CDH4: variants seen among roughly 807,000 people sequenced by gnomAD.
CDH4 encodes the protein cadherin-4.
Under a neutral mutation model 86.0 loss-of-function variants are expected in CDH4, and 33 were observed. That is an observed-to-expected ratio of 0.38 (90% CI 0.29 to 0.51). The LOEUF is 0.51. Ranked by LOEUF, CDH4 falls within the 20% of genes least tolerant of loss-of-function variation. CDH4 has a pLI of 0.86. For missense variants in CDH4, 1,114 were observed against 1,307.4 expected, an observed-to-expected ratio of 0.85 and a Z score of 2.28; for synonymous variants, 555 against 549.4, an observed-to-expected ratio of 1.01 and a Z score of -0.14.
intron 3 of CDH4, among the ~76,000 whole-genome samples, chr20:61,751,050 A>G (rs971388399): frequency 1.3e-5 from 2 of 152,260 alleles, no homozygotes; most frequent in African/African-American, 2.4e-5. Flanking sequence ...CATAGAGTCA[A>G]CACAACCTCA....
Position 61,392,925 on chromosome 20 carries a change from G to A in CDH4, c.169+137988G>A, listed in dbSNP as rs746121431. ...ATAAAGTCTCCCGATCAGGGAAGGA[G>A]GTGCAGATACTCACCCCGATACCCA... is the stretch of plus-strand genomic sequence containing the variant. On this transcript the variant is annotated intron_variant, in intron 2 of 15. Coordinates refer to ENST00000614565, the MANE Select transcript of CDH4 (RefSeq NM_001794.5). The surrounding 1 kb of genome is among the most constrained non-coding windows in gnomAD (Gnocchi z 5.7). 4.6e-4 allele frequency among the ~76,000 whole-genome samples: 70 copies of A among 152,172 alleles called. No individual in the cohort carries two copies. The highest frequency in any genetic ancestry group is 8.8e-4 in the Non-Finnish European group (60 of 68,020).
At chr20:61,319,404 A>C (rs1360104710) in intron 2 of CDH4, among the ~76,000 whole-genome samples, 1 of 152,108 alleles carries the variant, frequency 6.6e-6, no homozygotes, top group Admixed American at 6.5e-5. Flanking sequence ...TTAAGAGTGC[A>C]TCACATGTGC....
intron 2 of CDH4, among the ~76,000 whole-genome samples, chr20:61,519,069 G>A (rs1412020010): frequency 1.3e-5 from 2 of 152,208 alleles, no homozygotes; most frequent in African/African-American, 4.8e-5. Context: ...GTAAGTCGCT[G>A]AGTATGACCA....
intron 4 of CDH4, among the ~76,000 whole-genome samples, chr20:61,790,976 C>G (rs1397663436): frequency 1.3e-5 from 2 of 152,244 alleles, no homozygotes; most frequent in Admixed American, 6.5e-5. Context: ...CCTCAGTGCT[C>G]TCACCCTCAG....
chr20:61,692,864 A>T (rs1407611461), intron 2 of CDH4, among the ~76,000 whole-genome samples: 3 of 151,140 alleles, frequency 2.0e-5, no homozygotes. Context: ...CAAATGCTAG[A>T]TAGGACCTCA....
chr20:61,422,569 G>C (rs546848658), intron 2 of CDH4, among the ~76,000 whole-genome samples: 1 of 151,824 alleles, frequency 6.6e-6, no homozygotes, highest in South Asian at 2.1e-4. Flanking sequence ...TTATACTAAG[G>C]GTGCATGCCA....
intron 4 of CDH4, among the ~76,000 whole-genome samples, chr20:61,799,096 A>G (rs1402312158): frequency 6.6e-6 from 1 of 152,248 alleles, no homozygotes; most frequent in South Asian, 2.1e-4. Flanking sequence ...GATTAATTTT[A>G]TAGCTGCTAC....
chr20:61,792,963 G>GT (rs751267069), intron 4 of CDH4, among the ~76,000 whole-genome samples: 42 of 147,862 alleles, frequency 2.8e-4, no homozygotes, highest in Middle Eastern at 4.2e-3. Flanking sequence ...TGTTTTTTTT[G>GT]TTTTTGTTTT....
chr20:61,290,547 G>C (rs1032250636), intron 2 of CDH4, among the ~76,000 whole-genome samples: 1 of 152,260 alleles, frequency 6.6e-6, no homozygotes, highest in Non-Finnish European at 1.5e-5. Context: ...GCCAGTCACA[G>C]AGGAAATTGA....
At chr20:61,598,683 T>C (rs774922873) in intron 2 of CDH4, among the ~76,000 whole-genome samples, 6 of 152,228 alleles carry the variant, frequency 3.9e-5, no homozygotes, top group Non-Finnish European at 8.8e-5. Context: ...CTTTGCCGTC[T>C]GTGCCTTAGC....
intron 4 of CDH4, among the ~76,000 whole-genome samples, chr20:61,801,100 G>A (rs1205665835): frequency 6.6e-6 from 1 of 152,174 alleles, no homozygotes; most frequent in African/African-American, 2.4e-5. Flanking sequence ...CTTCTGCAGT[G>A]ACATTAGTCC....
intron 2 of CDH4, among the ~76,000 whole-genome samples, chr20:61,741,268 C>T (rs982194105): frequency 1.6e-4 from 24 of 152,132 alleles, no homozygotes; most frequent in Non-Finnish European, 2.9e-5. Flanking sequence ...TGGTGCGGTC[C>T]CCCGGGCATC....
At chr20:61,274,803 G>A (rs1279604015) in intron 2 of CDH4, among the ~76,000 whole-genome samples, 1 of 149,036 alleles carries the variant, frequency 6.7e-6, no homozygotes, top group African/African-American at 2.5e-5. Context: ...GCAGTTTGGG[G>A]GAGTACCATG....
At chr20:61,428,862 T>C (rs1312377800) in intron 2 of CDH4, among the ~76,000 whole-genome samples, 3 of 152,190 alleles carry the variant, frequency 2.0e-5, no homozygotes. Context: ...GCAGGCGAGC[T>C]TTCCAGCTAT....
chr20:61,783,872 CAAGAGAAATGTAATCCCAGTTCCTT>C (rs1978705415), intron 4 of CDH4, among the ~76,000 whole-genome samples: 2 of 33,682 alleles, frequency 5.9e-5, no homozygotes, highest in African/African-American at 1.7e-4. Flanking sequence ...CCTGTGCCCC[CAAGAGAAATGTAATCCCAGTTCCTT>C]GGGACAGTTC....
rs1980441495 is a variant in CDH4, at chr20:61,811,657, G to T, written c.577-33011G>T. On this transcript the variant is annotated intron_variant, in intron 4 of 15. Transcript: ENST00000614565. This position sits in a 1 kb window ranked among gnomAD's most constrained non-coding sequence, Gnocchi z 4.4. ...CGGGGTCACGCCCCTGCCACCCGGG[G>T]TCACGCCCCTGGCTGCCTACTGAGC... Among the ~76,000 whole-genome samples, 1 of 150,138 alleles carries T rather than the reference G, an allele frequency of 6.7e-6. No homozygotes were observed. Among genetic ancestry groups the T allele is most frequent in the Non-Finnish European group, 1.5e-5 (1 of 67,628 alleles).
intron 2 of CDH4, among the ~76,000 whole-genome samples, chr20:61,722,468 C>G (rs1218864174): frequency 6.6e-6 from 1 of 152,200 alleles, no homozygotes; most frequent in Non-Finnish European, 1.5e-5. Context: ...CATGACTTGT[C>G]TTGGCCAATG....
At chr20:61,852,242 G>C (rs1982759408) in intron 5 of CDH4, among the ~76,000 whole-genome samples, 1 of 152,012 alleles carries the variant, frequency 6.6e-6, no homozygotes, top group African/African-American at 2.4e-5. Context: ...ACGCCCAAAT[G>C]GGCCCAATTC....
intron 2 of CDH4, among the ~76,000 whole-genome samples, chr20:61,350,785 A>G (rs2123299300): frequency 6.6e-6 from 1 of 152,156 alleles, no homozygotes; most frequent in Non-Finnish European, 1.5e-5. Context: ...GAAAATTGCC[A>G]CTCTTATGGG....
Sources: gnomAD v4.1 joint callset for allele counts (sites outside exome capture counted in the v4.1 genomes callset) on GRCh38, gnomAD v4.1.1 for gene constraint, Gnocchi (gnomAD v3.1) non-coding constraint, MANE v1.5 for transcripts, NCBI Gene and HGNC (gene_info 2026-07-23, HGNC 2026-07-21) for gene names.